Variants in ZBTB7C observed in about 807,000 individuals in gnomAD.
The protein encoded by ZBTB7C is zinc finger and BTB domain containing 7C.
In ZBTB7C, 8 loss-of-function variants were observed where a neutral mutation model predicts 25.7. The observed-to-expected ratio is 0.31, with a 90% confidence interval of 0.18 to 0.56. The LOEUF is 0.56. ZBTB7C is among the 20% of genes least tolerant of loss of function. ZBTB7C has a pLI of 0.91. For synonymous variants in ZBTB7C, 394 were observed against 369.0 expected, an observed-to-expected ratio of 1.07 and a Z score of -0.78; for missense variants, 824 against 855.2, an observed-to-expected ratio of 0.96 and a Z score of 0.46.
chr18:48,113,219 A>C (rs1227533582), intron 3 of ZBTB7C, among the ~76,000 whole-genome samples: 4 of 152,238 alleles, frequency 2.6e-5, no homozygotes, highest in African/African-American at 4.8e-5. Context: ...CATGACACCA[A>C]CTAACTGCAG....
At chr18:48,320,919 C>A (rs2046076498) in intron 2 of ZBTB7C, among the ~76,000 whole-genome samples, 2 of 152,254 alleles carry the variant, frequency 1.3e-5, no homozygotes, top group South Asian at 4.1e-4. Context: ...CAGCCCCATG[C>A]CTGCCTCCCT....
At chr18:48,214,827 C>T (rs910541332) in intron 2 of ZBTB7C, among the ~76,000 whole-genome samples, 1 of 152,226 alleles carries the variant, frequency 6.6e-6, no homozygotes, top group Non-Finnish European at 1.5e-5. Flanking sequence ...AGTTTATCCA[C>T]TCATCCATCA....
At chr18:48,388,952 C>T (rs1282153592) in intron 1 of ZBTB7C, among the ~76,000 whole-genome samples, 1 of 152,146 alleles carries the variant, frequency 6.6e-6, no homozygotes, top group Non-Finnish European at 1.5e-5. Flanking sequence ...AGACTACACT[C>T]CACCTTGTTC....
intron 2 of ZBTB7C, among the ~76,000 whole-genome samples, chr18:48,188,804 T>C (rs1335697344): frequency 1.3e-5 from 2 of 152,134 alleles, no homozygotes; most frequent in East Asian, 3.9e-4. Context: ...TTTGTTCACC[T>C]CATACCCCTG....
intron 1 of ZBTB7C, among the ~76,000 whole-genome samples, chr18:48,360,415 T>C (rs1459529973): frequency 6.6e-6 from 1 of 152,164 alleles, no homozygotes; most frequent in Non-Finnish European, 1.5e-5. Context: ...GGGAAACTTA[T>C]GGCATGTGAA....
chr18:48,390,983 C>A (rs2047888392), intron 1 of ZBTB7C, among the ~76,000 whole-genome samples: 1 of 152,190 alleles, frequency 6.6e-6, no homozygotes, highest in Admixed American at 6.5e-5. Context: ...GTGAGAAAGC[C>A]ACTGAGCTGG....
At chr18:48,320,743 GA>G (rs1480221957) in intron 2 of ZBTB7C, among the ~76,000 whole-genome samples, 1 of 152,234 alleles carries the variant, frequency 6.6e-6, no homozygotes, top group African/African-American at 2.4e-5. Flanking sequence ...CCAGCTGCAG[GA>G]AGTGCACTGG....
At chr18:48,345,810 G>A (rs1214033603) in intron 1 of ZBTB7C, among the ~76,000 whole-genome samples, 3 of 152,194 alleles carry the variant, frequency 2.0e-5, no homozygotes, top group Admixed American at 1.3e-4. Context: ...CAAACCAAGT[G>A]CAAGGCCCAG....
intron 1 of ZBTB7C, among the ~76,000 whole-genome samples, chr18:48,385,755 C>T (rs2047732537): frequency 6.6e-6 from 1 of 152,156 alleles, no homozygotes; most frequent in South Asian, 2.1e-4. Context: ...TTTGCCGAGT[C>T]GTGATTTGTG....
intron 1 of ZBTB7C, among the ~76,000 whole-genome samples, chr18:48,403,934 T>C (rs1297532177): frequency 6.6e-6 from 1 of 151,698 alleles, no homozygotes; most frequent in Non-Finnish European, 1.5e-5. Context: ...CAAAAAATAA[T>C]GTGAAGCCTC....
chr18:48,112,862 A>AT (rs908710961), intron 3 of ZBTB7C, among the ~76,000 whole-genome samples: 13 of 151,844 alleles, frequency 8.6e-5, no homozygotes, highest in Non-Finnish European at 7.4e-5. Flanking sequence ...TCTTGTTTAA[A>AT]TTTTTTTTTA....
chr18:48,273,411 G>T (rs954306071), intron 2 of ZBTB7C, among the ~76,000 whole-genome samples: 1 of 151,882 alleles, frequency 6.6e-6, no homozygotes, highest in African/African-American at 2.4e-5. Context: ...CATAAACTTG[G>T]TATATGGAAA....
chr18:48,398,249 C>T (rs1230532587), intron 1 of ZBTB7C, among the ~76,000 whole-genome samples: 1 of 152,210 alleles, frequency 6.6e-6, no homozygotes, highest in African/African-American at 2.4e-5. Context: ...AGGATGACAG[C>T]CCCCTCTGTC....
intron 1 of ZBTB7C, among the ~76,000 whole-genome samples, chr18:48,348,908 A>G (rs77965845): frequency 0.014 from 2,150 of 152,324 alleles, 19 homozygotes; most frequent in Middle Eastern, 0.048. Flanking sequence ...CCGGTTTCCA[A>G]GAGTTCCTGA....
chr18:48,141,564 C>T (rs908573983), intron 3 of ZBTB7C, among the ~76,000 whole-genome samples: 6 of 147,684 alleles, frequency 4.1e-5, no homozygotes, highest in Non-Finnish European at 7.4e-5. Flanking sequence ...GTGAACTGGG[C>T]GGGGGGGAAA....
intron 2 of ZBTB7C, among the ~76,000 whole-genome samples, chr18:48,305,921 G>A (rs1293610481): frequency 6.6e-6 from 1 of 152,218 alleles, no homozygotes; most frequent in African/African-American, 2.4e-5. Context: ...ATGATGCTAT[G>A]TAGCCCGAGC....
At position 48,370,350 on chromosome 18, in the gene ZBTB7C, T is replaced by C. The variant is rs2047359202; in HGVS notation, c.-303-31952A>G. ...ATTACATAAGTATTATATGATTCCA[T>C]TTATATAATATTCTTGAGATGACAA... On this transcript the variant is annotated intron_variant, in intron 1 of 4. Coordinates refer to ENST00000590800, the MANE Select transcript of ZBTB7C (RefSeq NM_001318841.2). Among the ~76,000 whole-genome samples the C allele has an allele frequency of 5.9e-5, 9 of 152,320 alleles. No individual in the cohort carries two copies. In the South Asian group the frequency reaches 1.9e-3, roughly 32 times the overall value.
At position 48,246,422 on chromosome 18, in the gene ZBTB7C, T is replaced by A. The variant is rs1422385974; in HGVS notation, c.-78-60427A>T. ...TCCAGCCTGGGCAAGAGAGCGAGAC[T>A]CTGTCTCAAAAAAAAATAAATAATA... On this transcript the variant is annotated intron_variant, in intron 2 of 4. Coordinates refer to ENST00000590800, the MANE Select transcript of ZBTB7C (RefSeq NM_001318841.2). Among the ~76,000 whole-genome samples the A allele has an allele frequency of 1.5e-4, 22 of 151,004 alleles. 1 individual carries two copies. Among genetic ancestry groups the A allele is most frequent in the Admixed American group, 1.4e-3 (22 of 15,178 alleles).
rs563217262 is a variant in ZBTB7C at position 48,298,515 on chromosome 18, T to G, written c.-79+39659A>C. ...TAGGGACACATCCAGCCATGCTTCT[T>G]GGCACTCTACCCAGCTGCTCTGTCC... On this transcript the variant is annotated intron_variant, in intron 2 of 4. Coordinates refer to ENST00000590800, the MANE Select transcript of ZBTB7C (RefSeq NM_001318841.2). 3.3e-5 allele frequency among the ~76,000 whole-genome samples: 5 copies of G among 152,288 alleles called. No homozygotes were observed. The East Asian group carries it at 9.7e-4, about 29-fold the overall frequency.
Sources: gnomAD v4.1 joint callset for allele counts (sites outside exome capture counted in the v4.1 genomes callset) on GRCh38, gnomAD v4.1.1 for gene constraint, MANE v1.5 for transcripts, NCBI Gene and HGNC (gene_info 2026-07-23, HGNC 2026-07-21) for gene names.